The following CPA6 variants were observed in gnomAD, a reference collection of about 807,000 sequenced individuals.
CPA6 encodes carboxypeptidase A6.
Under a neutral mutation model 63.3 loss-of-function variants are expected in CPA6, and 58 were observed. That is an observed-to-expected ratio of 0.92 (90% CI 0.74 to 1.14). The LOEUF (loss-of-function observed/expected upper bound fraction) is 1.14, where lower values mean the gene tolerates loss of function less well. CPA6 is among the 50% of genes most tolerant of loss of function. The pLI is 0.00. For missense variants in CPA6, 565 were observed against 526.6 expected (o/e 1.07, Z -0.71); for synonymous variants, 185 against 179.0 (o/e 1.03, Z -0.27).
At chr8:67,432,946 G>A (rs894739478) in intron 9 of CPA6, among the ~76,000 whole-genome samples, 1 of 152,192 alleles carries the variant, frequency 6.6e-6, no homozygotes, top group African/African-American at 2.4e-5. Context: ...TGAAGTGAGG[G>A]CAGTCATGTG....
intron 2 of CPA6, among the ~76,000 whole-genome samples, chr8:67,537,424 A>T (rs990005973): frequency 3.9e-5 from 6 of 152,066 alleles, no homozygotes; most frequent in African/African-American, 1.4e-4. Flanking sequence ...TAGTCTTGGG[A>T]GGGTGTATGT....
intron 6 of CPA6, among the ~76,000 whole-genome samples, chr8:67,487,535 G>A (rs1305230568): frequency 6.6e-6 from 1 of 152,204 alleles, no homozygotes; most frequent in African/African-American, 2.4e-5. Flanking sequence ...TGTCTTTATA[G>A]TAGCATGATT....
At chr8:67,618,399 C>T (rs1017290478) in intron 2 of CPA6, among the ~76,000 whole-genome samples, 2 of 151,978 alleles carry the variant, frequency 1.3e-5, no homozygotes, top group African/African-American at 4.8e-5. Context: ...TGGTAGTGCA[C>T]CAAGGAGGAT....
At chr8:67,652,761 AT>A (rs1815879031) in intron 1 of CPA6, among the ~76,000 whole-genome samples, 1 of 151,832 alleles carries the variant, frequency 6.6e-6, no homozygotes, top group Admixed American at 6.6e-5. Flanking sequence ...CCATTTGTCA[AT>A]TTTGGCTTTT....
intron 2 of CPA6, among the ~76,000 whole-genome samples, chr8:67,590,413 G>A (rs1045532315): frequency 8.6e-5 from 13 of 151,340 alleles, no homozygotes; most frequent in Non-Finnish European, 1.5e-4. Context: ...CCAGTAATGG[G>A]ATGGCTGGGT....
Position 67,427,616 on chromosome 8 carries a change from A to G in CPA6, c.1126+431T>C, listed in dbSNP as rs993925939. ...CATCTTTTAAGGGATAATTCAATGG[A>G]CGGTGCTACATAAGAAACAGCATTT... On this transcript the variant is annotated intron_variant, in intron 10 of 10. Coordinates refer to ENST00000297770, the MANE Select transcript of CPA6 (RefSeq NM_020361.5). Among the ~76,000 whole-genome samples, 4 of 152,334 alleles carry G rather than the reference A, an allele frequency of 2.6e-5. No homozygotes were observed. In the South Asian group the frequency reaches 8.3e-4, roughly 32 times the overall value.
chr8:67,483,701 C>T (rs982870642), intron 8 of CPA6, 67 bp downstream of exon 8: 1 of 1,285,470 alleles, frequency 7.8e-7, no homozygotes, highest in Non-Finnish European at 1.1e-6. Context: ...GTCCTCTGGA[C>T]TCATATTTTG....
At chr8:67,677,570 C>T (rs953096197) in intron 1 of CPA6, among the ~76,000 whole-genome samples, 1 of 152,146 alleles carries the variant, frequency 6.6e-6, no homozygotes, top group Non-Finnish European at 1.5e-5. Context: ...ACAGGCTGCA[C>T]ATCTCTCTCT....
intron 1 of CPA6, among the ~76,000 whole-genome samples, chr8:67,692,948 G>C (rs924406163): frequency 6.6e-6 from 1 of 152,100 alleles, no homozygotes; most frequent in Non-Finnish European, 1.5e-5. Flanking sequence ...TAGACCTAAG[G>C]CACAAAGGAC....
intron 1 of CPA6, among the ~76,000 whole-genome samples, chr8:67,649,610 A>G (rs1029639032): frequency 4.6e-5 from 7 of 152,194 alleles, no homozygotes; most frequent in African/African-American, 1.7e-4. Flanking sequence ...GTATATACAC[A>G]AGAGCATTGG....
Position 67,428,098 on chromosome 8 carries a change from G to A in CPA6, c.1075C>T (p.Gln359Ter). Residue 359 changes from glutamine to a stop codon, truncating the protein, a stop_gained, in exon 10 of 11, where the codon CAG becomes TAG. Coordinates refer to ENST00000297770, the MANE Select transcript of CPA6 (RefSeq NM_020361.5). LOFTEE classifies it high-confidence loss of function. ...CTGTATCGTACCCCGTATACTGACT[G>A]AAGTGCATTCACAGCTTTATAAGCT... ...SAAYKAVNAL[Q>*]SVYGVRYRYG... The A allele has an allele frequency of 1.2e-6, 2 of 1,613,136 alleles. No individual in the cohort carries two copies. The highest frequency in any genetic ancestry group is 1.7e-6 in the Non-Finnish European group (2 of 1,179,228).
chr8:67,555,686 G>A (rs370777974), intron 2 of CPA6, among the ~76,000 whole-genome samples: 11 of 152,250 alleles, frequency 7.2e-5, no homozygotes, highest in South Asian at 2.1e-4. Flanking sequence ...TTTGTAGCTG[G>A]TGTCTGAAGT....
intron 1 of CPA6, among the ~76,000 whole-genome samples, chr8:67,722,355 C>T (rs1198553584): frequency 6.6e-6 from 1 of 152,076 alleles, no homozygotes; most frequent in African/African-American, 2.4e-5. Context: ...CTGGATACTC[C>T]AATTCAGTAC....
At chr8:67,722,380 C>A (rs968673983) in intron 1 of CPA6, among the ~76,000 whole-genome samples, 2 of 152,214 alleles carry the variant, frequency 1.3e-5, no homozygotes, top group Non-Finnish European at 2.9e-5. Flanking sequence ...GGGGCAAGCC[C>A]AGGGTGTTTG....
At chr8:67,675,746 T>C (rs1418161508) in intron 1 of CPA6, among the ~76,000 whole-genome samples, 1 of 152,244 alleles carries the variant, frequency 6.6e-6, no homozygotes, top group Non-Finnish European at 1.5e-5. Flanking sequence ...GCACTGCCTG[T>C]GCATTATCTA....
intron 1 of CPA6, among the ~76,000 whole-genome samples, chr8:67,733,846 CTTT>C (rs10696053): frequency 5.3e-5 from 5 of 94,928 alleles, no homozygotes; most frequent in African/African-American, 1.5e-4. Flanking sequence ...GCTGCATCGT[CTTT>C]TTTTTTTTTT....
intron 5 of CPA6, among the ~76,000 whole-genome samples, chr8:67,509,258 T>G (rs1215057052): frequency 6.6e-6 from 1 of 152,186 alleles, no homozygotes; most frequent in East Asian, 1.9e-4. Flanking sequence ...TTTGCATTGG[T>G]TCACCTCAGG....
At chr8:67,610,530 T>C (rs1814779232) in intron 2 of CPA6, among the ~76,000 whole-genome samples, 1 of 152,212 alleles carries the variant, frequency 6.6e-6, no homozygotes, top group Non-Finnish European at 1.5e-5. Context: ...CATGCTTAGA[T>C]TACTTAAACA....
Position 67,638,701 on chromosome 8 carries a change from C to T in CPA6, c.117-14450G>A, listed in dbSNP as rs533541208. Among the ~76,000 whole-genome samples, 6 of 151,780 alleles carry T rather than the reference C, an allele frequency of 4.0e-5. No individual in the cohort carries two copies. In the East Asian group the frequency reaches 1.2e-3, roughly 29 times the overall value. On this transcript the variant is annotated intron_variant, in intron 1 of 10. Coordinates refer to ENST00000297770, the MANE Select transcript of CPA6 (RefSeq NM_020361.5). ...GTGCAAAGGCCTCGTCCCCTTTCCT[C>T]AATTTGAGGCATTACTGAAGGACCA...
Sources: gnomAD v4.1 joint callset for allele counts (sites outside exome capture counted in the v4.1 genomes callset) on GRCh38, gnomAD v4.1.1 for gene constraint, MANE v1.5 for transcripts, NCBI Gene and HGNC (gene_info 2026-07-23, HGNC 2026-07-21) for gene names.